MAGI2: variants seen among roughly 807,000 people sequenced by gnomAD.
MAGI2 encodes membrane-associated guanylate kinase, WW and PDZ domain-containing protein 2.
MAGI2 carries 35 observed loss-of-function variants against 133.3 expected under a neutral mutation model. That is an observed-to-expected ratio of 0.26 (90% confidence interval 0.20 to 0.35). The LOEUF is 0.35. Among genes scored for constraint, MAGI2 ranks in the 10% least tolerant of loss-of-function variants. MAGI2 has a pLI of 1.00. For synonymous variants in MAGI2, 729 were observed against 710.6 expected, an observed-to-expected ratio of 1.03 and a Z score of -0.41; for missense variants, 1,636 against 1,863.4, an observed-to-expected ratio of 0.88 and a Z score of 2.25.
chr7:78,338,984 A>AAAACAAACAAAC (rs3061239), intron 9 of MAGI2, among the ~76,000 whole-genome samples: 22,662 of 150,142 alleles, frequency 0.15, 1,992 homozygotes, highest in Non-Finnish European at 0.2. Flanking sequence ...ATCTCTTGAG[A>AAAACAAACAAAC]AAACAAACAA....
chr7:78,796,799 A>C (rs899129294), intron 2 of MAGI2, among the ~76,000 whole-genome samples: 12 of 152,174 alleles, frequency 7.9e-5, no homozygotes, highest in Admixed American at 1.3e-4. Flanking sequence ...CTCAGCCATA[A>C]AAAAGAATGA....
chr7:78,739,344 C>T (rs1409895495), intron 2 of MAGI2, among the ~76,000 whole-genome samples: 1 of 151,980 alleles, frequency 6.6e-6, no homozygotes, highest in African/African-American at 2.4e-5. Context: ...TAGCTGGCAG[C>T]GTGATAGAAA....
intron 1 of MAGI2, among the ~76,000 whole-genome samples, chr7:79,338,291 T>G (rs537865242): frequency 1.3e-5 from 2 of 152,186 alleles, no homozygotes; most frequent in South Asian, 4.2e-4. Context: ...AGTGTGTGGT[T>G]TAGAAACAGA....
intron 21 of MAGI2, among the ~76,000 whole-genome samples, chr7:78,024,640 A>G (rs899388852): frequency 2.0e-5 from 3 of 152,220 alleles, no homozygotes; most frequent in African/African-American, 7.2e-5. Flanking sequence ...AATTCAAAAT[A>G]TGGGGATTTC....
rs142780638 is a variant in MAGI2 at position 78,643,875 on chromosome 7, C to T, written c.419-16636G>A. On this transcript the variant is annotated intron_variant, in intron 2 of 21. Transcript: ENST00000354212. ...ACAGCAACATCTACACACACACCCC[C>T]ACACACACTATTGAAAAATGGATCA... 4.6e-3 allele frequency among the ~76,000 whole-genome samples: 693 copies of T among 152,084 alleles called. 5 individuals are homozygous for T. Among genetic ancestry groups the T allele is most frequent in the Middle Eastern group, 0.01 (3 of 294 alleles).
At chr7:78,234,127 A>G (rs1157796857) in intron 10 of MAGI2, among the ~76,000 whole-genome samples, 1 of 152,176 alleles carries the variant, frequency 6.6e-6, no homozygotes, top group African/African-American at 2.4e-5. Flanking sequence ...TTTGACAAAT[A>G]AAAAAATACA....
chr7:79,327,725 T>C (rs905771484), intron 1 of MAGI2, among the ~76,000 whole-genome samples: 3 of 151,962 alleles, frequency 2.0e-5, no homozygotes, highest in Non-Finnish European at 2.9e-5. Flanking sequence ...CTTTTTGTCA[T>C]ATAATAAACA....
chr7:78,985,813 T>C (rs1381866391), intron 2 of MAGI2, among the ~76,000 whole-genome samples: 8 of 152,060 alleles, frequency 5.3e-5, no homozygotes, highest in Non-Finnish European at 1.2e-4. Context: ...GGCAGAATAA[T>C]TAGGAGAGGA....
chr7:78,361,251 G>A (rs1423572352), intron 7 of MAGI2, among the ~76,000 whole-genome samples: 5 of 152,012 alleles, frequency 3.3e-5, no homozygotes, highest in Non-Finnish European at 7.4e-5. Context: ...AAAATTAGCC[G>A]GGTGTGGTGG....
At chr7:78,771,722 T>G (rs1209067317) in intron 2 of MAGI2, among the ~76,000 whole-genome samples, 1 of 152,140 alleles carries the variant, frequency 6.6e-6, no homozygotes, top group Non-Finnish European at 1.5e-5. Flanking sequence ...GACATCCATT[T>G]AAACTTATCT....
intron 1 of MAGI2, among the ~76,000 whole-genome samples, chr7:79,274,621 T>C (rs893275553): frequency 1.3e-5 from 2 of 151,830 alleles, no homozygotes; most frequent in African/African-American, 2.4e-5. Flanking sequence ...AACAGAATTA[T>C]GCTAAAACTA....
chr7:79,220,184 C>T (rs1830335401), intron 1 of MAGI2, among the ~76,000 whole-genome samples: 1 of 151,918 alleles, frequency 6.6e-6, no homozygotes, highest in Non-Finnish European at 1.5e-5. Flanking sequence ...CCTTTTCTAT[C>T]CCATTCCTTA....
At chr7:79,090,799 C>A (rs1009315233) in intron 1 of MAGI2, among the ~76,000 whole-genome samples, 1 of 152,092 alleles carries the variant, frequency 6.6e-6, no homozygotes, top group African/African-American at 2.4e-5. Context: ...TGAGTTATAT[C>A]CATGGTATCT....
intron 4 of MAGI2, among the ~76,000 whole-genome samples, chr7:78,507,925 G>A (rs1201498180): frequency 1.3e-5 from 2 of 152,216 alleles, no homozygotes; most frequent in African/African-American, 4.8e-5. Context: ...TTCAATCATA[G>A]ATATTTATTG....
At chr7:79,031,978 T>A (rs745578544) in intron 1 of MAGI2, among the ~76,000 whole-genome samples, 1 of 152,140 alleles carries the variant, frequency 6.6e-6, no homozygotes, top group African/African-American at 2.4e-5. Flanking sequence ...ACATAAACTA[T>A]TATGCAAACA....
intron 1 of MAGI2, among the ~76,000 whole-genome samples, chr7:79,432,522 T>C (rs1424919689): frequency 3.3e-5 from 5 of 152,340 alleles, no homozygotes; most frequent in Admixed American, 6.5e-5. Flanking sequence ...CTGCTCATAA[T>C]ATTTGGGAAA....
intron 2 of MAGI2, among the ~76,000 whole-genome samples, chr7:78,860,891 C>A (rs968498640): frequency 2.0e-5 from 3 of 152,180 alleles, no homozygotes; most frequent in African/African-American, 7.2e-5. Flanking sequence ...GTGGGCTCCA[C>A]CCTGTTGGAG....
chr7:78,506,354 G>A (rs1364488800), intron 4 of MAGI2, among the ~76,000 whole-genome samples: 3 of 152,030 alleles, frequency 2.0e-5, no homozygotes, highest in African/African-American at 4.8e-5. Flanking sequence ...TCATGGAGAC[G>A]TCAAGTCAGA....
chr7:79,091,891 C>A (rs1213921603), intron 1 of MAGI2, among the ~76,000 whole-genome samples: 2 of 151,834 alleles, frequency 1.3e-5, no homozygotes, highest in East Asian at 3.9e-4. Flanking sequence ...AATGTGAAAA[C>A]CACAGTCAGT....
Sources: gnomAD v4.1 joint callset for allele counts (sites outside exome capture counted in the v4.1 genomes callset) on GRCh38, gnomAD v4.1.1 for gene constraint, MANE v1.5 for transcripts, NCBI Gene and HGNC (gene_info 2026-07-23, HGNC 2026-07-21) for gene names.